The following POLR1E variants were observed in gnomAD, a reference collection of about 807,000 sequenced individuals.
POLR1E encodes the protein RNA polymerase I subunit E, also known as DNA-directed RNA polymerase I subunit RPA49.
A neutral mutation model predicts 50.9 loss-of-function variants in POLR1E; 37 were observed. The ratio of observed to expected loss-of-function variants is 0.73; its 90% confidence interval spans 0.56 to 0.96. The LOEUF (loss-of-function observed/expected upper bound fraction) is 0.96. POLR1E is among the 40% of genes least tolerant of loss of function. The pLI is 0.00. For missense variants in POLR1E, 426 were observed against 518.1 expected (o/e 0.82, Z 1.73); for synonymous variants, 166 against 191.6 (o/e 0.87, Z 1.10).
At position 37,503,256 on chromosome 9, in the gene POLR1E, C is replaced by T; in HGVS notation, c.*54C>T. Reference sequence around the variant, plus strand: ...GCTGCATCACAGCCACTGGCTGGTCCTATTCATTTCCATTTTTATGTATGT... The same window carrying T: ...GCTGCATCACAGCCACTGGCTGGTCTTATTCATTTCCATTTTTATGTATGT... On this transcript the variant is annotated 3_prime_UTR_variant, in exon 12 of 12. Transcript: ENST00000377798. 1 of 1,515,026 alleles carries T rather than the reference C, an allele frequency of 6.6e-7. No individual in the cohort carries two copies. Among genetic ancestry groups the T allele is most frequent in the South Asian group, 1.3e-5 (1 of 76,492 alleles). 93.8% of individuals were successfully genotyped at this position (1,515,026 alleles called of 1,614,324 possible).
chr9:37,495,729 G>A lies in POLR1E; in HGVS notation c.656-161G>A, dbSNP rs1483789655. On this transcript the variant is annotated intron_variant, in intron 7 of 11. Transcript: ENST00000377798. ...GGGAATGGGCTCTGGGCTGGGAGTC[G>A]GAGAACTGAGTCACCAAGCTCTGCC... Among the ~76,000 whole-genome samples, 11 of 152,180 alleles carry A rather than the reference G, an allele frequency of 7.2e-5. No individual in the cohort carries two copies. The East Asian group carries it at 9.6e-4, about 13-fold the overall frequency.
chr9:37,492,098 C>A (rs1243538291), intron 4 of POLR1E, among the ~76,000 whole-genome samples: 2 of 151,480 alleles, frequency 1.3e-5, no homozygotes, highest in Non-Finnish European at 2.9e-5. Context: ...CTTTTTTTAC[C>A]AGTGATGAAA....
chr9:37,489,451 C>A, intron 4 of POLR1E, 51 bp downstream of exon 4: 2 of 1,295,794 alleles, frequency 1.5e-6, no homozygotes, highest in Non-Finnish European at 2.1e-6. Context: ...TTTGGGTTTG[C>A]TGGATGAGTT....
chr9:37,495,843 T>TTA (rs761553140), intron 7 of POLR1E, 47 bp from the exon 8 acceptor site: 2 of 1,370,346 alleles, frequency 1.5e-6, no homozygotes, highest in Non-Finnish European at 2.1e-6. Context: ...ACCTAGCTAG[T>TTA]TGGATGTTTC....
chr9:37,495,280 TCCTTCTTGCAGTAGAAAAGCTG>T lies in POLR1E; in HGVS notation c.655+9_655+30del. ...GACGTGTATAAATTTGAAGATCGTA[TCCTTCTTGCAGTAGAAAAGCTG>T]CCTTATTTCACAAGTTGAGATGTTT... On this transcript the variant is annotated splice_donor_5th_base_variant and intron_variant, in intron 7 of 11. Transcript: ENST00000377798. 1 of 1,608,674 alleles carries T rather than the reference TCCTTCTTGCAGTAGAAAAGCTG, an allele frequency of 6.2e-7. No homozygotes were observed. Among genetic ancestry groups the T allele is most frequent in the Non-Finnish European group, 8.5e-7 (1 of 1,175,324 alleles).
chr9:37,489,423 G>C, intron 4 of POLR1E, 23 bp downstream of exon 4: 1 of 1,540,934 alleles, frequency 6.5e-7, no homozygotes, highest in Non-Finnish European at 8.8e-7. Flanking sequence ...CATGAAAGCT[G>C]ACAGAAATAA....
chr9:37,497,808 A>C (rs1820810471), intron 8 of POLR1E, among the ~76,000 whole-genome samples: 1 of 151,918 alleles, frequency 6.6e-6, no homozygotes, highest in African/African-American at 2.4e-5. Flanking sequence ...TCTGTCACCT[A>C]GGCTGGAGTA....
chr9:37,502,902 C>A, intron 11 of POLR1E, 141 bp from the exon 12 acceptor site: 2 of 875,686 alleles, frequency 2.3e-6, no homozygotes, highest in Non-Finnish European at 3.4e-6. Context: ...GCCTCTCTGC[C>A]AGGGGCTTTG....
intron 4 of POLR1E, among the ~76,000 whole-genome samples, chr9:37,491,327 GT>G (rs773360017): frequency 2.0e-5 from 3 of 152,162 alleles, no homozygotes; most frequent in Non-Finnish European, 4.4e-5. Context: ...AGAGGCATTA[GT>G]TCCAGTTTTA....
At chr9:37,500,975 T>G (rs1820878153) in intron 10 of POLR1E, 54 bp downstream of exon 10, 1 of 1,492,998 alleles carries the variant, frequency 6.7e-7, no homozygotes, top group Non-Finnish European at 9.3e-7. Context: ...AGGTGGGGGT[T>G]GGGAGTGAGG....
chr9:37,497,352 C>G (rs1820802589), intron 8 of POLR1E, among the ~76,000 whole-genome samples: 5 of 152,118 alleles, frequency 3.3e-5, no homozygotes, highest in Admixed American at 3.3e-4. Flanking sequence ...GAGACTCAGT[C>G]TCAAACAAAC....
rs183228841 is a variant in POLR1E, at chr9:37,489,066, C to T, written c.258-249C>T. Among the ~76,000 whole-genome samples the T allele has an allele frequency of 1.2e-3, 183 of 151,998 alleles. 1 individual carries two copies. Among genetic ancestry groups the T allele is most frequent in the African/African-American group, 4.2e-3 (175 of 41,432 alleles). ...CCAGCCTGGACAACATGGTGAAACCCATCTTTATTAAAAATGCAAAAATTA... is the reference window on the plus strand; with the variant it reads ...CCAGCCTGGACAACATGGTGAAACCTATCTTTATTAAAAATGCAAAAATTA... On this transcript the variant is annotated intron_variant, in intron 3 of 11. Transcript: ENST00000377798.
At chr9:37,496,954 A>G (rs186614681) in intron 8 of POLR1E, among the ~76,000 whole-genome samples, 30 of 152,312 alleles carry the variant, frequency 2.0e-4, no homozygotes, top group Admixed American at 2.0e-3. Context: ...CTGTTCTAAG[A>G]GCTTTACTGG....
In POLR1E at chr9:37,493,515, C is replaced by T. The variant is rs372814625; in HGVS notation, c.403-44C>T. 16 of 1,485,720 alleles carry T rather than the reference C, an allele frequency of 1.1e-5. No homozygotes were observed. In the African/African-American group the frequency reaches 1.5e-4, roughly 14 times the overall value. 92.0% of individuals were successfully genotyped at this position (1,485,720 alleles called of 1,614,324 possible). On this transcript the variant is annotated intron_variant, in intron 5 of 11. Coordinates refer to ENST00000377798, the MANE Select transcript of POLR1E (RefSeq NM_022490.4). ...AGTGACACAGCTAGGAGGGGCAGCA[C>T]CTACCTGTCCTGTCCCCAGTAACCA...
In POLR1E at chr9:37,495,155, T is replaced by C. The variant is rs1425849745; in HGVS notation, c.548-14T>C. On this transcript the variant is annotated splice_polypyrimidine_tract_variant and intron_variant, in intron 6 of 11. Coordinates refer to ENST00000377798, the MANE Select transcript of POLR1E (RefSeq NM_022490.4). Reference sequence around the variant, plus strand: ...CAAACAGGGTGATACATGGATTGTTTCTTTATTGAAAAGCTCTGGTCAGCG... The same window carrying C: ...CAAACAGGGTGATACATGGATTGTTCCTTTATTGAAAAGCTCTGGTCAGCG... 6.2e-7 allele frequency: 1 copy of C among 1,603,964 alleles called. No homozygotes were observed. Among genetic ancestry groups the C allele is most frequent in the South Asian group, 1.1e-5 (1 of 90,852 alleles).
chr9:37,497,275 AAC>A (rs1171730657), intron 8 of POLR1E, among the ~76,000 whole-genome samples: 2 of 152,236 alleles, frequency 1.3e-5, no homozygotes, highest in Non-Finnish European at 2.9e-5. Context: ...GAATCGCTTG[AAC>A]CCAGGAAGCG....
chr9:37,491,294 A>G (rs1207387187), intron 4 of POLR1E, among the ~76,000 whole-genome samples: 1 of 152,162 alleles, frequency 6.6e-6, no homozygotes, highest in Admixed American at 6.6e-5. Context: ...CATTGGGAGC[A>G]TTGTGAATCT....
intron 4 of POLR1E, chr9:37,492,293 A>G: frequency 7.7e-7 from 1 of 1,294,586 alleles, no homozygotes; most frequent in Non-Finnish European, 1.0e-6. Flanking sequence ...TCTTTCACCA[A>G]GAAAGCAAAA....
intron 9 of POLR1E, among the ~76,000 whole-genome samples, chr9:37,499,990 A>G (rs1014751142): frequency 2.7e-5 from 4 of 150,578 alleles, no homozygotes; most frequent in Admixed American, 6.6e-5. Flanking sequence ...AGCTGGGATT[A>G]TAGGCGCCCG....
Sources: gnomAD v4.1 joint callset for allele counts (sites outside exome capture counted in the v4.1 genomes callset) on GRCh38, gnomAD v4.1.1 for gene constraint, MANE v1.5 for transcripts, NCBI Gene and HGNC (gene_info 2026-07-23, HGNC 2026-07-21) for gene names.